NXN: variants seen among roughly 807,000 people sequenced by gnomAD.
NXN encodes the protein nucleoredoxin 1.
In NXN, 16 loss-of-function variants were observed where a neutral mutation model predicts 48.6. The ratio of observed to expected loss-of-function variants is 0.33; its 90% CI spans 0.22 to 0.50. NXN has a LOEUF of 0.50. Ranked by LOEUF, NXN falls within the 20% of genes least tolerant of loss-of-function variation. The pLI is 0.98. For missense variants in NXN, 492 were observed against 605.5 expected, an observed-to-expected ratio of 0.81 and a Z score of 1.97; for synonymous variants, 281 against 269.6, an observed-to-expected ratio of 1.04 and a Z score of -0.41.
At chr17:835,582 C>G (rs554766554) in intron 1 of NXN, among the ~76,000 whole-genome samples, 2 of 152,150 alleles carry the variant, frequency 1.3e-5, no homozygotes, top group Non-Finnish European at 2.9e-5. Flanking sequence ...AGGCCAGAAA[C>G]GCTTCTACAG....
At chr17:870,946 C>T (rs1021972708) in intron 1 of NXN, among the ~76,000 whole-genome samples, 15 of 152,006 alleles carry the variant, frequency 9.9e-5, no homozygotes, top group Non-Finnish European at 2.2e-4. Flanking sequence ...ACAAGCTCCG[C>T]CTCCCGGGTT....
intron 1 of NXN, among the ~76,000 whole-genome samples, chr17:887,288 G>A (rs1487312958): frequency 2.6e-5 from 4 of 152,170 alleles, no homozygotes. Context: ...CAGGCAAGTG[G>A]CCACAGCGAC....
chr17:830,893 A>T lies in NXN; in HGVS notation c.361-4815T>A, dbSNP rs1486963191. ...CAGGCACCTGTAATCCCAGCTACTC[A>T]GAGGGCTGAGGCAGGAGAATCACTT... On this transcript the variant is annotated intron_variant, in intron 1 of 7. Coordinates refer to ENST00000336868, the MANE Select transcript of NXN (RefSeq NM_022463.5). The surrounding 1 kb of genome is among the most constrained non-coding windows in gnomAD (Gnocchi z 4.2). Among the ~76,000 whole-genome samples, 1 of 151,824 alleles carries T rather than the reference A, an allele frequency of 6.6e-6. No individual in the cohort carries two copies. The highest frequency in any genetic ancestry group is 1.5e-5 in the Non-Finnish European group (1 of 67,976).
intron 1 of NXN, among the ~76,000 whole-genome samples, chr17:972,583 C>T (rs1053573715): frequency 6.6e-6 from 1 of 152,164 alleles, no homozygotes; most frequent in Non-Finnish European, 1.5e-5. Flanking sequence ...CACAACGGGA[C>T]GAGCTGGAGC....
At chr17:827,516 G>A (rs556976555) in intron 1 of NXN, among the ~76,000 whole-genome samples, 3 of 152,302 alleles carry the variant, frequency 2.0e-5, no homozygotes, top group Non-Finnish European at 2.9e-5. Flanking sequence ...CCAGCTACTC[G>A]GGAGGCTGAG....
Position 825,957 on chromosome 17 carries a change from T to C in NXN, c.478+4A>G, listed in dbSNP as rs77578715. ...AGGACCATATGCACGGGCTGAGGTT[T>C]TACCTTCTGGGTCATCTCGGATCAC... On this transcript the variant is annotated splice_donor_region_variant and intron_variant, in intron 2 of 7. Coordinates refer to ENST00000336868, the MANE Select transcript of NXN (RefSeq NM_022463.5). This position sits in a 1 kb window ranked among gnomAD's most constrained non-coding sequence, Gnocchi z 4.1. The C allele has an allele frequency of 5.6e-3, 8,873 of 1,597,386 alleles. 348 individuals carry two copies. In the African/African-American group the frequency reaches 0.097, roughly 17 times the overall value.
At chr17:812,174 G>A (rs9891727) in intron 5 of NXN, among the ~76,000 whole-genome samples, 6,779 of 151,598 alleles carry the variant, frequency 0.045, 511 homozygotes, top group African/African-American at 0.15. Context: ...TGATCCGCCC[G>A]CCTCGGCCTC....
chr17:901,360 A>T (rs537484204), intron 1 of NXN, among the ~76,000 whole-genome samples: 2 of 152,316 alleles, frequency 1.3e-5, no homozygotes, highest in South Asian at 4.2e-4. Flanking sequence ...CAGACACTTA[A>T]TCAACGCTAG....
intron 1 of NXN, among the ~76,000 whole-genome samples, chr17:954,951 C>G (rs1314778362): frequency 1.3e-5 from 2 of 152,106 alleles, no homozygotes; most frequent in Non-Finnish European, 2.9e-5. Context: ...TTTTTCAGCC[C>G]TGGGTTACAG....
At chr17:905,898 G>T (rs1435301302) in intron 1 of NXN, among the ~76,000 whole-genome samples, 1 of 151,516 alleles carries the variant, frequency 6.6e-6, no homozygotes, top group East Asian at 1.9e-4. Context: ...GATCGCTTGA[G>T]CCCAGGAGGC....
chr17:971,092 A>G (rs1420308568), intron 1 of NXN, among the ~76,000 whole-genome samples: 2 of 151,688 alleles, frequency 1.3e-5, no homozygotes, highest in African/African-American at 2.4e-5. Context: ...GATTACAGGC[A>G]TGCACCACCA....
chr17:895,541 A>G (rs2955625), intron 1 of NXN, among the ~76,000 whole-genome samples: 100,746 of 150,990 alleles, frequency 0.67, 34,150 homozygotes, highest in Middle Eastern at 0.77. Context: ...GGCCGGGCGC[A>G]GTGGCTCACG....
At chr17:973,144 C>T (rs1057308165) in intron 1 of NXN, among the ~76,000 whole-genome samples, 1 of 152,192 alleles carries the variant, frequency 6.6e-6, no homozygotes, top group African/African-American at 2.4e-5. Context: ...TCAGCAAGAG[C>T]TGTGGACGGC....
intron 2 of NXN, among the ~76,000 whole-genome samples, chr17:824,514 G>A (rs923580535): frequency 3.9e-5 from 6 of 152,172 alleles, no homozygotes; most frequent in Admixed American, 6.5e-5. Context: ...CCCGATACCC[G>A]GGATTGTGGA....
At chr17:850,688 T>C (rs1338744831) in intron 1 of NXN, among the ~76,000 whole-genome samples, 1 of 152,206 alleles carries the variant, frequency 6.6e-6, no homozygotes, top group Non-Finnish European at 1.5e-5. Flanking sequence ...GGGAGGTTTC[T>C]TCTGCAGACA....
intron 1 of NXN, among the ~76,000 whole-genome samples, chr17:843,404 C>T (rs973574481): frequency 6.6e-6 from 1 of 152,238 alleles, no homozygotes; most frequent in Non-Finnish European, 1.5e-5. Flanking sequence ...TTCTGGCCGA[C>T]ACCACAGACG....
Position 851,539 on chromosome 17 carries a change from G to A in NXN, c.361-25461C>T, listed in dbSNP as rs112323228. ...TTCACCTCTTTGAGAAGCTACTTCC[G>A]CTGCACACTGGGAGAAACCAGTGCT... On this transcript the variant is annotated intron_variant, in intron 1 of 7. Transcript: ENST00000336868. 6.7e-3 allele frequency among the ~76,000 whole-genome samples: 1,025 copies of A among 152,340 alleles called. 13 individuals carry two copies. Among genetic ancestry groups the A allele is most frequent in the African/African-American group, 0.023 (940 of 41,584 alleles).
intron 1 of NXN, chr17:896,922 C>A (rs1023934857): frequency 1.5e-5 from 19 of 1,250,922 alleles, no homozygotes; most frequent in Middle Eastern, 2.2e-4. Context: ...ACACAATATT[C>A]TTCTTTTTTT....
intron 5 of NXN, among the ~76,000 whole-genome samples, chr17:811,592 G>C (rs1912011998): frequency 1.3e-5 from 2 of 152,120 alleles, no homozygotes; most frequent in Non-Finnish European, 2.9e-5. Flanking sequence ...TCCTTGGTGA[G>C]CCCAGTGGTC....
Sources: allele counts gnomAD v4.1 joint callset (sites outside exome capture counted in the v4.1 genomes callset), GRCh38; gene constraint gnomAD v4.1.1; non-coding constraint Gnocchi (gnomAD v3.1); transcripts MANE v1.5; gene names NCBI Gene and HGNC (gene_info 2026-07-23, HGNC 2026-07-21).